Variants in TOM1L2 observed in about 807,000 individuals in gnomAD.
TOM1L2 encodes the protein TOM1-like protein 2.
TOM1L2 carries 31 observed loss-of-function variants against 67.9 expected under a neutral mutation model. The observed-to-expected ratio is 0.46, with a 90% CI of 0.34 to 0.62. The LOEUF (loss-of-function observed/expected upper bound fraction) is 0.62. Ranked by LOEUF, TOM1L2 falls within the 20% of genes least tolerant of loss-of-function variation. The pLI is 0.01. For missense variants in TOM1L2, 606 were observed against 663.5 expected, an observed-to-expected ratio of 0.91 and a Z score of 0.95; for synonymous variants, 256 against 254.0, an observed-to-expected ratio of 1.01 and a Z score of -0.07.
chr17:17,943,935 C>T (rs931987058), intron 1 of TOM1L2, among the ~76,000 whole-genome samples: 2 of 152,222 alleles, frequency 1.3e-5, no homozygotes, highest in East Asian at 1.9e-4. Context: ...CATCCCTCCC[C>T]CTCCAGGTAA....
At chr17:17,935,138 T>C (rs2040470178) in intron 1 of TOM1L2, among the ~76,000 whole-genome samples, 1 of 152,216 alleles carries the variant, frequency 6.6e-6, no homozygotes, top group African/African-American at 2.4e-5. Flanking sequence ...TGCCCACAAT[T>C]TCCTCAGGAA....
At chr17:17,970,573 A>G (rs1254191265) in intron 1 of TOM1L2, among the ~76,000 whole-genome samples, 1 of 152,194 alleles carries the variant, frequency 6.6e-6, no homozygotes, top group African/African-American at 2.4e-5. Context: ...GACATGGGGA[A>G]GAAGTAAGGA....
At chr17:17,933,851 C>T (rs938859395) in intron 1 of TOM1L2, among the ~76,000 whole-genome samples, 2 of 152,222 alleles carry the variant, frequency 1.3e-5, no homozygotes, top group African/African-American at 2.4e-5. Context: ...TTAATCAAAT[C>T]CATCCTTCAA....
chr17:17,914,169 C>G (rs983193440), intron 1 of TOM1L2, among the ~76,000 whole-genome samples: 1 of 152,186 alleles, frequency 6.6e-6, no homozygotes, highest in Non-Finnish European at 1.5e-5. Context: ...GAGGGGTGTT[C>G]AGAGACAGCT....
intron 1 of TOM1L2, among the ~76,000 whole-genome samples, chr17:17,928,873 C>T (rs1047682275): frequency 3.9e-5 from 6 of 152,170 alleles, no homozygotes; most frequent in South Asian, 2.1e-4. Context: ...GAGAACAATG[C>T]TTCCATTTCT....
At position 17,971,937 on chromosome 17, in the gene TOM1L2, C is replaced by T. The variant is rs371614278; in HGVS notation, c.52+325G>A. ...CTGCCCGTGGGATAGCACCGGCACCCGGCGAAGGCCCAGCCCCCCCGGGAG... is the reference window on the plus strand; with the variant it reads ...CTGCCCGTGGGATAGCACCGGCACCTGGCGAAGGCCCAGCCCCCCCGGGAG... On this transcript the variant is annotated intron_variant, in intron 1 of 14. Coordinates refer to ENST00000379504, the MANE Select transcript of TOM1L2 (RefSeq NM_001082968.2). 1.6e-3 allele frequency among the ~76,000 whole-genome samples: 245 copies of T among 151,696 alleles called. 1 individual carries two copies. Among genetic ancestry groups the T allele is most frequent in the African/African-American group, 5.6e-3 (232 of 41,346 alleles).
At chr17:17,917,192 C>T (rs951161442) in intron 1 of TOM1L2, among the ~76,000 whole-genome samples, 5 of 151,334 alleles carry the variant, frequency 3.3e-5, no homozygotes, top group African/African-American at 7.3e-5. Flanking sequence ...ATTAGCTGGG[C>T]GTGGTGGCGC....
Position 17,847,331 on chromosome 17 carries a change from G to T in TOM1L2, c.*304C>A. The T allele has an allele frequency of 4.7e-6, 2 of 424,188 alleles. No homozygotes were observed. The highest frequency in any genetic ancestry group is 8.5e-6 in the Non-Finnish European group (2 of 234,116). The allele number at this position is 424,188 out of a possible 1,614,324, so 26.3% of individuals were successfully genotyped here. A position where few individuals can be genotyped will look rare whatever the true frequency, so the allele number is the denominator to read the frequency against. On this transcript the variant is annotated 3_prime_UTR_variant, in exon 15 of 15. Transcript: ENST00000379504. ...GGAGGAAAGACAGTCCGGGTGGTCT[G>T]CTCAGGAAGCACTGCCTGGGGCTGG...
At chr17:17,936,244 T>C (rs1298879805) in intron 1 of TOM1L2, among the ~76,000 whole-genome samples, 1 of 152,146 alleles carries the variant, frequency 6.6e-6, no homozygotes, top group Non-Finnish European at 1.5e-5. Flanking sequence ...GGACAGTCTC[T>C]CCCCACCATC....
intron 4 of TOM1L2, among the ~76,000 whole-genome samples, chr17:17,885,962 G>T (rs2037979593): frequency 6.6e-6 from 1 of 150,432 alleles, no homozygotes; most frequent in African/African-American, 2.4e-5. Context: ...CTGTTCTTTG[G>T]AAGTCTTGGA....
intron 12 of TOM1L2, among the ~76,000 whole-genome samples, chr17:17,855,514 G>A (rs2036211070): frequency 6.6e-6 from 1 of 152,220 alleles, no homozygotes; most frequent in South Asian, 2.1e-4. Flanking sequence ...CAGGGAGGGA[G>A]AGCACAAGCC....
rs1001047578 is a variant in TOM1L2, at chr17:17,861,225, C to T, written c.1278+251G>A. Among the ~76,000 whole-genome samples, 33 of 152,274 alleles carry T rather than the reference C, an allele frequency of 2.2e-4. 1 individual carries two copies. The highest frequency in any genetic ancestry group is 1.2e-3 in the Admixed American group (19 of 15,302). ...GCTCTCTGGGTGTCTCAGCCTGTCT[C>T]CCACCTGCCTGGGACTGTTTTCTCT... On this transcript the variant is annotated intron_variant, in intron 12 of 14. Transcript: ENST00000379504.
intron 3 of TOM1L2, among the ~76,000 whole-genome samples, chr17:17,894,994 T>C (rs1462726371): frequency 6.6e-6 from 1 of 151,882 alleles, no homozygotes; most frequent in Non-Finnish European, 1.5e-5. Flanking sequence ...CATGCATGCA[T>C]AAAATAATGC....
At position 17,845,742 on chromosome 17, in the gene TOM1L2, A is replaced by G. The variant is rs9915776; in HGVS notation, c.*1893T>C. 0.56 allele frequency: 85,651 copies of G among 152,202 alleles called. 25,123 individuals carry two copies. The highest frequency in any genetic ancestry group is 0.63 in the Non-Finnish European group (43,058 of 68,032). 9.4% of individuals were successfully genotyped at this position (152,202 alleles called of 1,614,324 possible). A position where few individuals can be genotyped will look rare whatever the true frequency, so the allele number is the denominator to read the frequency against. On this transcript the variant is annotated 3_prime_UTR_variant, in exon 15 of 15. Transcript: ENST00000379504. ...TTCTGCAGCTCAAGTGAAGCCAGCT[A>G]ACTTCAGCAGTCTTCACATTCAAGC...
chr17:17,853,510 G>C (rs1359846756), intron 12 of TOM1L2, among the ~76,000 whole-genome samples: 1 of 152,156 alleles, frequency 6.6e-6, no homozygotes, highest in African/African-American at 2.4e-5. Flanking sequence ...AACATGCTCA[G>C]AAAATAAACA....
intron 1 of TOM1L2, among the ~76,000 whole-genome samples, chr17:17,953,158 TA>T (rs1483915685): frequency 6.6e-6 from 1 of 152,106 alleles, no homozygotes; most frequent in Non-Finnish European, 1.5e-5. Context: ...GTCACACCTG[TA>T]ATCCCAGCTA....
chr17:17,903,762 C>T (rs965329178), intron 2 of TOM1L2, among the ~76,000 whole-genome samples: 22 of 151,990 alleles, frequency 1.4e-4, no homozygotes, highest in African/African-American at 7.3e-5. Flanking sequence ...CAGTACAACA[C>T]GGGTTATGAA....
At chr17:17,850,870 G>C (rs2035930631) in intron 13 of TOM1L2, 23 bp downstream of exon 13, 1 of 1,613,562 alleles carries the variant, frequency 6.2e-7, no homozygotes, top group Non-Finnish European at 8.5e-7. Context: ...CCCCACAGAT[G>C]AAATAGAAAA....
chr17:17,944,718 T>C (rs2040871834), intron 1 of TOM1L2, among the ~76,000 whole-genome samples: 1 of 152,188 alleles, frequency 6.6e-6, no homozygotes, highest in Non-Finnish European at 1.5e-5. Context: ...GGTGAAAAGC[T>C]GAACACAAAC....
Sources: allele counts gnomAD v4.1 joint callset (sites outside exome capture counted in the v4.1 genomes callset), GRCh38; gene constraint gnomAD v4.1.1; transcripts MANE v1.5; gene names NCBI Gene and HGNC (gene_info 2026-07-23, HGNC 2026-07-21).